AUTS2: variants seen among roughly 807,000 people sequenced by gnomAD.
AUTS2 encodes activator of transcription and developmental regulator AUTS2.
In AUTS2, 17 loss-of-function variants were observed where a neutral mutation model predicts 112.4. The observed-to-expected ratio is 0.15, with a 90% confidence interval of 0.10 to 0.23. The LOEUF (loss-of-function observed/expected upper bound fraction) is 0.23. AUTS2 is among the 10% of genes least tolerant of loss of function. The probability of loss-of-function intolerance (pLI) is 1.00; values close to 1 mark genes in which losing one functional copy is unlikely to be tolerated. For synonymous variants in AUTS2, 751 were observed against 702.7 expected, an observed-to-expected ratio of 1.07 and a Z score of -1.09; for missense variants, 1,510 against 1,701.6, an observed-to-expected ratio of 0.89 and a Z score of 1.98.
rs368119581 is a variant in AUTS2, at chr7:69,833,916, G to A, written c.310-65370G>A. Among the ~76,000 whole-genome samples the A allele has an allele frequency of 1.9e-4, 29 of 152,242 alleles. No individual in the cohort carries two copies. The East Asian group carries it at 4.8e-3, about 25-fold the overall frequency. ...ATCATTTGGAAGTTTAAAAAATATG[G>A]TCATGGTTGGACTCCATCCAAGACT... On this transcript the variant is annotated intron_variant, in intron 1 of 18. Transcript: ENST00000342771.
At chr7:70,186,598 C>A (rs182379806) in intron 4 of AUTS2, among the ~76,000 whole-genome samples, 7 of 152,246 alleles carry the variant, frequency 4.6e-5, no homozygotes, top group African/African-American at 7.2e-5. Context: ...GAGATGGAGT[C>A]TCACTCTGTC....
At chr7:69,716,418 T>C (rs1798613647) in intron 1 of AUTS2, among the ~76,000 whole-genome samples, 1 of 152,030 alleles carries the variant, frequency 6.6e-6, no homozygotes, top group South Asian at 2.1e-4. Flanking sequence ...TTAAGAGAAA[T>C]TTTCGATAGG....
intron 2 of AUTS2, among the ~76,000 whole-genome samples, chr7:69,901,664 G>T (rs980099171): frequency 5.3e-5 from 8 of 152,158 alleles, no homozygotes; most frequent in Non-Finnish European, 1.2e-4. Flanking sequence ...TGTATCTTTG[G>T]CCCTATGTAA....
intron 5 of AUTS2, among the ~76,000 whole-genome samples, chr7:70,600,356 A>G (rs971766770): frequency 6.6e-6 from 1 of 151,980 alleles, no homozygotes; most frequent in Non-Finnish European, 1.5e-5. Context: ...GCTTACTGCA[A>G]CCTCTTATCT....
chr7:70,359,629 T>G (rs542802789), intron 4 of AUTS2, among the ~76,000 whole-genome samples: 4 of 151,970 alleles, frequency 2.6e-5, no homozygotes, highest in Non-Finnish European at 5.9e-5. Context: ...CCCTGGAGAG[T>G]GAGAACTTAC....
rs116521815 is a variant in AUTS2 at position 70,457,129 on chromosome 7, A to C, written c.690+21348A>C. Among the ~76,000 whole-genome samples the C allele has an allele frequency of 9.2e-3, 1,400 of 152,282 alleles. 33 individuals carry two copies. The highest frequency in any genetic ancestry group is 0.032 in the African/African-American group (1,342 of 41,548). ...GTGTGACAGTGAACAGTGCTGCTCT[A>C]GGTGTGGGGACACAGCCTTACGTTC... is the stretch of plus-strand genomic sequence containing the variant. On this transcript the variant is annotated intron_variant, in intron 5 of 18. Coordinates refer to ENST00000342771, the MANE Select transcript of AUTS2 (RefSeq NM_015570.4).
chr7:70,320,263 A>G (rs1052183169), intron 4 of AUTS2, among the ~76,000 whole-genome samples: 5 of 152,206 alleles, frequency 3.3e-5, no homozygotes, highest in Non-Finnish European at 5.9e-5. Context: ...AGCATTCTTC[A>G]TGCCACCCCA....
chr7:70,297,559 A>G (rs1789000231), intron 4 of AUTS2, among the ~76,000 whole-genome samples: 1 of 151,254 alleles, frequency 6.6e-6, no homozygotes, highest in Non-Finnish European at 1.5e-5. Context: ...CCTCCCAAGT[A>G]GCTGGGACTA....
chr7:70,790,033 G>T lies in AUTS2; in HGVS notation c.2817G>T (p.Val939=). 1 of 1,585,488 alleles carries T rather than the reference G, an allele frequency of 6.3e-7. No homozygotes were observed. Among genetic ancestry groups the T allele is most frequent in the Non-Finnish European group, 8.6e-7 (1 of 1,166,840 alleles). Residue 939 remains valine (V), a synonymous_variant, in exon 19 of 19, where the codon GTG becomes GTT. Transcript: ENST00000342771. This position sits in a 1 kb window ranked among gnomAD's most constrained non-coding sequence, Gnocchi z 7.6. ...AAGAGGCCAAGCAGCTGGCCCGGGT[G>T]CCGTCTCCCTACGTGCGGACCCCGG... ...AGEEAKQLAR[V]PSPYVRTPVV... is the part of the protein sequence containing the mutation.
chr7:70,749,364 G>C (rs1307281143), intron 6 of AUTS2, among the ~76,000 whole-genome samples: 14 of 152,084 alleles, frequency 9.2e-5, no homozygotes, highest in Non-Finnish European at 1.9e-4. Context: ...GCACGGGGAG[G>C]GGGGTCCGCG....
At chr7:70,374,117 T>C (rs1203492208) in intron 4 of AUTS2, among the ~76,000 whole-genome samples, 1 of 152,220 alleles carries the variant, frequency 6.6e-6, no homozygotes, top group Non-Finnish European at 1.5e-5. Context: ...TTCTTGATCA[T>C]TTCTTTAGGA....
intron 1 of AUTS2, among the ~76,000 whole-genome samples, chr7:69,636,083 T>C (rs1794505022): frequency 6.6e-6 from 1 of 152,248 alleles, no homozygotes; most frequent in African/African-American, 2.4e-5. Flanking sequence ...CCCCATTTTT[T>C]ATTCCTTCTA....
At chr7:70,642,462 C>G (rs1310901887) in intron 5 of AUTS2, among the ~76,000 whole-genome samples, 2 of 152,110 alleles carry the variant, frequency 1.3e-5, no homozygotes, top group African/African-American at 2.4e-5. Flanking sequence ...ACTTTTAGGT[C>G]TTTGTTTCAC....
chr7:70,205,746 C>T (rs1434373287), intron 4 of AUTS2, among the ~76,000 whole-genome samples: 4 of 152,090 alleles, frequency 2.6e-5, no homozygotes, highest in Middle Eastern at 3.4e-3. Flanking sequence ...TTAAGCAAAG[C>T]GAGACTGTAA....
chr7:70,163,805 G>C (rs1263597192), intron 4 of AUTS2, among the ~76,000 whole-genome samples: 1 of 152,188 alleles, frequency 6.6e-6, no homozygotes, highest in Non-Finnish European at 1.5e-5. Flanking sequence ...TGAGTAGGAA[G>C]CAGAGATTAC....
chr7:69,793,348 G>A (rs1024371067), intron 1 of AUTS2, among the ~76,000 whole-genome samples: 2 of 152,244 alleles, frequency 1.3e-5, no homozygotes, highest in Non-Finnish European at 2.9e-5. Context: ...CATTTATTGA[G>A]TGGTGGCTGA....
chr7:70,297,832 A>C (rs1789016479), intron 4 of AUTS2, among the ~76,000 whole-genome samples: 1 of 152,156 alleles, frequency 6.6e-6, no homozygotes, highest in African/African-American at 2.4e-5. Flanking sequence ...GGTTTATCAA[A>C]TATTTTCACA....
At chr7:70,665,083 GA>G (rs111839104) in intron 5 of AUTS2, among the ~76,000 whole-genome samples, 70 of 149,760 alleles carry the variant, frequency 4.7e-4, no homozygotes, top group African/African-American at 1.6e-3. Context: ...AAAAGAAAGA[GA>G]AAAAAAAATG....
At chr7:69,632,205 A>C (rs988450958) in intron 1 of AUTS2, among the ~76,000 whole-genome samples, 2 of 152,222 alleles carry the variant, frequency 1.3e-5, no homozygotes, top group Non-Finnish European at 2.9e-5. Context: ...GAACTTTTGC[A>C]TATACCACCT....
Sources: gnomAD v4.1 joint callset for allele counts (sites outside exome capture counted in the v4.1 genomes callset) on GRCh38, gnomAD v4.1.1 for gene constraint, Gnocchi (gnomAD v3.1) non-coding constraint, MANE v1.5 for transcripts, NCBI Gene and HGNC (gene_info 2026-07-23, HGNC 2026-07-21) for gene names.